The following ULK4 variants were observed in gnomAD, a reference collection of about 807,000 sequenced individuals.
The protein encoded by ULK4 is inactive serine/threonine-protein kinase ULK4.
A neutral mutation model predicts 160.6 loss-of-function variants in ULK4; 133 were observed. That is an observed-to-expected ratio of 0.83 (90% CI 0.72 to 0.96). ULK4 has a LOEUF of 0.96. ULK4 is among the 40% of genes least tolerant of loss of function. The pLI is 0.00. For missense variants in ULK4, 1,580 were observed against 1,499.5 expected (o/e 1.05, Z -0.89); for synonymous variants, 534 against 539.8 (o/e 0.99, Z 0.15).
chr3:41,763,425 A>C (rs528694457), intron 21 of ULK4, among the ~76,000 whole-genome samples: 4 of 152,342 alleles, frequency 2.6e-5, no homozygotes, highest in African/African-American at 9.6e-5. Flanking sequence ...AAAATAATCA[A>C]GAAAAAAGGG....
intron 32 of ULK4, among the ~76,000 whole-genome samples, chr3:41,559,699 C>A (rs1202912018): frequency 6.6e-6 from 1 of 152,054 alleles, no homozygotes; most frequent in African/African-American, 2.4e-5. Flanking sequence ...TGTTCATATC[C>A]TTTGACCAGT....
At chr3:41,925,626 C>T (rs1307940331) in intron 5 of ULK4, among the ~76,000 whole-genome samples, 2 of 152,106 alleles carry the variant, frequency 1.3e-5, no homozygotes, top group East Asian at 1.9e-4. Context: ...CCCACCCCCA[C>T]GGAGCCCAGC....
chr3:41,781,758 G>A (rs1159726901), intron 21 of ULK4, among the ~76,000 whole-genome samples: 1 of 152,152 alleles, frequency 6.6e-6, no homozygotes, highest in Non-Finnish European at 1.5e-5. Context: ...GGCCAACATG[G>A]TGAAACCCCA....
At chr3:41,332,914 A>C (rs531816233) in intron 35 of ULK4, among the ~76,000 whole-genome samples, 1 of 152,312 alleles carries the variant, frequency 6.6e-6, no homozygotes, top group Non-Finnish European at 1.5e-5. Flanking sequence ...GTATTTGGTG[A>C]TCTGTTTCTG....
At chr3:41,748,589 A>C (rs1286210666) in intron 22 of ULK4, among the ~76,000 whole-genome samples, 2 of 152,184 alleles carry the variant, frequency 1.3e-5, no homozygotes, top group Admixed American at 1.3e-4. Flanking sequence ...TAAAACATTT[A>C]CATGGTTCTT....
At chr3:41,518,660 C>A (rs761533201) in intron 32 of ULK4, among the ~76,000 whole-genome samples, 2 of 152,064 alleles carry the variant, frequency 1.3e-5, no homozygotes, top group African/African-American at 4.8e-5. Flanking sequence ...AGATTTTTTT[C>A]TCTCTAAAAC....
At chr3:41,607,293 C>T (rs2032428088) in intron 31 of ULK4, among the ~76,000 whole-genome samples, 1 of 152,086 alleles carries the variant, frequency 6.6e-6, no homozygotes, top group African/African-American at 2.4e-5. Flanking sequence ...AGATTTGCAA[C>T]TTAATTATGA....
intron 34 of ULK4, among the ~76,000 whole-genome samples, chr3:41,427,768 C>A (rs1396588628): frequency 2.6e-5 from 4 of 152,020 alleles, no homozygotes; most frequent in Non-Finnish European, 5.9e-5. Flanking sequence ...CTGGAACATA[C>A]CTCAAAATAA....
At chr3:41,271,501 T>C (rs1283916580) in intron 35 of ULK4, among the ~76,000 whole-genome samples, 2 of 151,828 alleles carry the variant, frequency 1.3e-5, no homozygotes, top group Non-Finnish European at 2.9e-5. Context: ...AAGCGATTCT[T>C]GTGCCTCAGC....
At chr3:41,403,153 A>AC in intron 34 of ULK4, among the ~76,000 whole-genome samples, 1 of 97,720 alleles carries the variant, frequency 1.0e-5, no homozygotes, top group African/African-American at 4.0e-5. Context: ...CTCCGTCTCA[A>AC]AAAAAAAAAA....
At chr3:41,912,704 C>T (rs773705724) in intron 9 of ULK4, 103 bp downstream of exon 9, 223 of 1,019,188 alleles carry the variant, frequency 2.2e-4, no homozygotes, top group Middle Eastern at 4.3e-4. Flanking sequence ...TCTCCTACTA[C>T]GAAAGCAGAG....
rs577363436 is a variant in ULK4, at chr3:41,671,796, G to A, written c.2979-8097C>T. On this transcript the variant is annotated intron_variant, in intron 29 of 36. Coordinates refer to ENST00000301831, the MANE Select transcript of ULK4 (RefSeq NM_017886.4). ...ATTGAAGAGATAAACTGCTTACTGG[G>A]AGAAAATATTTGCAAACTACACAAC... is the stretch of plus-strand genomic sequence containing the variant. Among the ~76,000 whole-genome samples, 12 of 152,130 alleles carry A rather than the reference G, an allele frequency of 7.9e-5. No homozygotes were observed. The South Asian group carries it at 2.5e-3, about 32-fold the overall frequency.
chr3:41,645,161 T>C (rs1401297245), intron 30 of ULK4, among the ~76,000 whole-genome samples: 1 of 150,594 alleles, frequency 6.6e-6, no homozygotes, highest in Non-Finnish European at 1.5e-5. Context: ...GATTCATTAA[T>C]TTTTTGAAGG....
At chr3:41,482,609 C>T (rs1471738891) in intron 32 of ULK4, among the ~76,000 whole-genome samples, 1 of 152,196 alleles carries the variant, frequency 6.6e-6, no homozygotes, top group African/African-American at 2.4e-5. Context: ...AACAAAATGA[C>T]TGGAAGTTGT....
chr3:41,569,972 T>A (rs1213396576), intron 31 of ULK4, among the ~76,000 whole-genome samples: 1 of 152,198 alleles, frequency 6.6e-6, no homozygotes, highest in Non-Finnish European at 1.5e-5. Context: ...AGCTTCATCA[T>A]CCTACCTTCT....
chr3:41,427,293 C>T (rs935039705), intron 34 of ULK4, among the ~76,000 whole-genome samples: 19 of 152,202 alleles, frequency 1.2e-4, no homozygotes, highest in African/African-American at 4.3e-4. Context: ...ACAAAAAAAG[C>T]CCAGGACCAG....
rs1386597 is a variant in ULK4, at chr3:41,350,177, T to A, written c.3678+47902A>T. 3.3e-5 allele frequency among the ~76,000 whole-genome samples: 5 copies of A among 152,158 alleles called. No individual in the cohort carries two copies. The East Asian group carries it at 9.6e-4, about 29-fold the overall frequency. Reference sequence around the variant, plus strand: ...AAAAGTGTAAGTTGAAAAAATAGTCTTATAAAATCCTTACTTAACTGTCTC... The same window carrying A: ...AAAAGTGTAAGTTGAAAAAATAGTCATATAAAATCCTTACTTAACTGTCTC... On this transcript the variant is annotated intron_variant, in intron 35 of 36. Coordinates refer to ENST00000301831, the MANE Select transcript of ULK4 (RefSeq NM_017886.4).
intron 21 of ULK4, among the ~76,000 whole-genome samples, chr3:41,772,156 G>A (rs1242602348): frequency 6.6e-6 from 1 of 152,144 alleles, no homozygotes; most frequent in Non-Finnish European, 1.5e-5. Context: ...ACAATTAAAA[G>A]AACTAGAGAA....
At chr3:41,438,634 C>A (rs1163814141) in intron 34 of ULK4, among the ~76,000 whole-genome samples, 3 of 151,922 alleles carry the variant, frequency 2.0e-5, no homozygotes, top group African/African-American at 7.3e-5. Flanking sequence ...CTGGGCAAGA[C>A]CTCATCTCTA....
Sources: gnomAD v4.1 joint callset for allele counts (sites outside exome capture counted in the v4.1 genomes callset) on GRCh38, gnomAD v4.1.1 for gene constraint, MANE v1.5 for transcripts, NCBI Gene and HGNC (gene_info 2026-07-23, HGNC 2026-07-21) for gene names.